Variants in ALK observed in about 807,000 individuals in gnomAD.
ALK encodes ALK receptor tyrosine kinase.
A neutral mutation model predicts 163.1 loss-of-function variants in ALK; 74 were observed. The ratio of observed to expected loss-of-function variants is 0.45; its 90% CI spans 0.38 to 0.55. The LOEUF (loss-of-function observed/expected upper bound fraction) is 0.55. Ranked by LOEUF, ALK falls within the 20% of genes least tolerant of loss-of-function variation. ALK has a pLI of 0.00. For missense variants in ALK, 2,063 were observed against 2,105.3 expected (o/e 0.98, Z 0.39); for synonymous variants, 960 against 843.2 (o/e 1.14, Z -2.40).
chr2:29,547,466 G>A (rs964095591), intron 3 of ALK, among the ~76,000 whole-genome samples: 3 of 152,114 alleles, frequency 2.0e-5, no homozygotes, highest in Admixed American at 6.5e-5. Flanking sequence ...GCATGGTGGC[G>A]TGCGCCTGTA....
intron 1 of ALK, among the ~76,000 whole-genome samples, chr2:29,913,066 T>C (rs1251788012): frequency 6.6e-6 from 1 of 152,204 alleles, no homozygotes; most frequent in Non-Finnish European, 1.5e-5. Flanking sequence ...AGCTTTATTC[T>C]TACTCTAAGG....
intron 3 of ALK, among the ~76,000 whole-genome samples, chr2:29,665,329 C>T (rs1677482834): frequency 6.6e-6 from 1 of 151,930 alleles, no homozygotes; most frequent in Non-Finnish European, 1.5e-5. Flanking sequence ...CCTGACCCTC[C>T]TAACCTCCCG....
intron 1 of ALK, among the ~76,000 whole-genome samples, chr2:29,745,082 C>T (rs752199699): frequency 2.0e-5 from 3 of 152,172 alleles, no homozygotes; most frequent in Non-Finnish European, 4.4e-5. Flanking sequence ...GTTTTAAATA[C>T]ACAGCCCCAC....
intron 7 of ALK, among the ~76,000 whole-genome samples, chr2:29,318,786 T>C (rs1381762948): frequency 3.3e-5 from 5 of 152,114 alleles, no homozygotes; most frequent in Admixed American, 3.3e-4. Flanking sequence ...CAGGATAGTC[T>C]CGATCTCCTG....
intron 4 of ALK, among the ~76,000 whole-genome samples, chr2:29,411,824 C>T (rs1343018719): frequency 6.6e-6 from 1 of 152,206 alleles, no homozygotes; most frequent in East Asian, 1.9e-4. Context: ...ACTTATTTGC[C>T]ATCTCAGCTT....
At chr2:29,453,554 T>G (rs1220473470) in intron 4 of ALK, among the ~76,000 whole-genome samples, 1 of 152,144 alleles carries the variant, frequency 6.6e-6, no homozygotes, top group Non-Finnish European at 1.5e-5. Flanking sequence ...AAAGTTTCTT[T>G]TTTTTGAAAA....
chr2:29,518,148 A>G (rs901585600), intron 4 of ALK, among the ~76,000 whole-genome samples: 10 of 152,224 alleles, frequency 6.6e-5, no homozygotes, highest in African/African-American at 2.4e-4. Flanking sequence ...CATGAACTCC[A>G]GGCCCATTTT....
chr2:29,195,254 T>C (rs1440746596), intron 28 of ALK, among the ~76,000 whole-genome samples: 1 of 152,122 alleles, frequency 6.6e-6, no homozygotes, highest in East Asian at 1.9e-4. Flanking sequence ...TCCATTCAGA[T>C]TACAACAAAA....
At chr2:29,538,792 T>C (rs938708755) in intron 3 of ALK, among the ~76,000 whole-genome samples, 4 of 152,192 alleles carry the variant, frequency 2.6e-5, no homozygotes, top group Non-Finnish European at 4.4e-5. Context: ...AATATTATAA[T>C]CATAGTTTTC....
At chr2:29,757,480 T>G (rs1361918008) in intron 1 of ALK, among the ~76,000 whole-genome samples, 1 of 152,168 alleles carries the variant, frequency 6.6e-6, no homozygotes, top group Non-Finnish European at 1.5e-5. Flanking sequence ...GTAAGGAAGG[T>G]TACCAAGTAA....
At chr2:29,446,730 GACC>G (rs111580627) in intron 4 of ALK, among the ~76,000 whole-genome samples, 2,697 of 152,298 alleles carry the variant, frequency 0.018, 64 homozygotes, top group African/African-American at 0.06. Flanking sequence ...GTATGTAAAT[GACC>G]ACATTTCATG....
intron 4 of ALK, among the ~76,000 whole-genome samples, chr2:29,508,483 G>A (rs2148137806): frequency 6.6e-6 from 1 of 152,046 alleles, no homozygotes; most frequent in South Asian, 2.1e-4. Flanking sequence ...ACTCATAGGT[G>A]GGAATTGAAC....
chr2:29,254,353 A>G (rs1029855790), intron 11 of ALK, among the ~76,000 whole-genome samples: 8 of 152,166 alleles, frequency 5.3e-5, no homozygotes, highest in African/African-American at 1.9e-4. Flanking sequence ...ATTCTTCTCA[A>G]TAGAGTGCTA....
intron 4 of ALK, among the ~76,000 whole-genome samples, chr2:29,470,918 A>G (rs1671332588): frequency 6.6e-6 from 1 of 152,230 alleles, no homozygotes; most frequent in East Asian, 1.9e-4. Context: ...CAACAAAAGG[A>G]TAAAAGAAAG....
chr2:29,526,603 C>A (rs1469824561), intron 4 of ALK, among the ~76,000 whole-genome samples: 1 of 152,202 alleles, frequency 6.6e-6, no homozygotes, highest in Non-Finnish European at 1.5e-5. Context: ...TGAGAAAAAG[C>A]TGGGCCTGAA....
At chr2:29,480,299 C>G (rs1456537880) in intron 4 of ALK, among the ~76,000 whole-genome samples, 1 of 152,058 alleles carries the variant, frequency 6.6e-6, no homozygotes, top group Non-Finnish European at 1.5e-5. Flanking sequence ...GAAAGAAAAA[C>G]AAAGCAAATA....
At chr2:29,661,624 C>A (rs1677349757) in intron 3 of ALK, among the ~76,000 whole-genome samples, 1 of 152,146 alleles carries the variant, frequency 6.6e-6, no homozygotes, top group South Asian at 2.1e-4. Flanking sequence ...TAAGGTATGA[C>A]TGTCTATTTG....
At chr2:29,249,110 C>T (rs1263407004) in intron 12 of ALK, among the ~76,000 whole-genome samples, 2 of 152,156 alleles carry the variant, frequency 1.3e-5, no homozygotes, top group Admixed American at 6.5e-5. Context: ...ATTAGCTGAC[C>T]TGTGCAAGTT....
intron 1 of ALK, among the ~76,000 whole-genome samples, chr2:29,823,300 T>G (rs1250570785): frequency 1.3e-5 from 2 of 152,178 alleles, no homozygotes; most frequent in African/African-American, 4.8e-5. Context: ...TATATCATTA[T>G]CAGCAGCATG....
Sources: allele counts gnomAD v4.1 joint callset (sites outside exome capture counted in the v4.1 genomes callset), GRCh38; gene constraint gnomAD v4.1.1; transcripts MANE v1.5; gene names NCBI Gene and HGNC (gene_info 2026-07-23, HGNC 2026-07-21).